Variants in FAM117A observed in about 807,000 individuals in gnomAD.
FAM117A encodes the protein protein FAM117A.
FAM117A carries 21 observed loss-of-function variants against 44.1 expected under a neutral mutation model. The observed-to-expected ratio is 0.48, with a 90% CI of 0.34 to 0.69. The LOEUF (loss-of-function observed/expected upper bound fraction) is 0.69. Ranked by LOEUF, FAM117A falls within the 30% of genes least tolerant of loss-of-function variation. The probability of loss-of-function intolerance (pLI) is 0.01; values close to 1 mark genes in which losing one functional copy is unlikely to be tolerated. For missense variants in FAM117A, 498 were observed against 589.9 expected, an observed-to-expected ratio of 0.84 and a Z score of 1.61; for synonymous variants, 220 against 238.3, an observed-to-expected ratio of 0.92 and a Z score of 0.71.
chr17:49,725,669 A>G (rs1304439646), intron 2 of FAM117A, among the ~76,000 whole-genome samples: 2 of 152,224 alleles, frequency 1.3e-5, no homozygotes, highest in East Asian at 3.8e-4. Flanking sequence ...TGAGAATGAT[A>G]AAGAGGCCAG....
intron 1 of FAM117A, among the ~76,000 whole-genome samples, chr17:49,774,304 C>G (rs866165271): frequency 1.6e-4 from 25 of 151,820 alleles, no homozygotes; most frequent in African/African-American, 4.8e-4. Context: ...AGTCGCCACA[C>G]CTGGCTAATT....
chr17:49,767,563 C>T (rs1647611005), upstream of FAM117A, among the ~76,000 whole-genome samples: 1 of 152,168 alleles, frequency 6.6e-6, no homozygotes, highest in African/African-American at 2.4e-5. Context: ...TGACCTGGTT[C>T]CTGCTTTCAG....
chr17:49,739,839 C>T (rs2143749590), intron 1 of FAM117A, among the ~76,000 whole-genome samples: 1 of 152,304 alleles, frequency 6.6e-6, no homozygotes, highest in Middle Eastern at 3.4e-3. Flanking sequence ...GTCCTGTTTA[C>T]AGCACCGTGG....
chr17:49,729,219 C>T (rs1365802201), intron 2 of FAM117A, among the ~76,000 whole-genome samples: 3 of 152,120 alleles, frequency 2.0e-5, no homozygotes, highest in African/African-American at 7.2e-5. Flanking sequence ...GCCCTGGTCT[C>T]CTCTCAGGGA....
intron 1 of FAM117A, among the ~76,000 whole-genome samples, chr17:49,783,870 C>A (rs971510972): frequency 6.6e-6 from 1 of 152,198 alleles, no homozygotes; most frequent in African/African-American, 2.4e-5. Flanking sequence ...AAATGGCTAT[C>A]CCTAACCCCT....
chr17:49,743,177 C>T (rs1182092701), intron 1 of FAM117A, among the ~76,000 whole-genome samples: 3 of 152,182 alleles, frequency 2.0e-5, no homozygotes, highest in Non-Finnish European at 2.9e-5. Context: ...GGAACTACTC[C>T]GTGGGTTGGA....
intron 1 of FAM117A, among the ~76,000 whole-genome samples, chr17:49,773,658 C>T (rs2073767855): frequency 6.6e-6 from 1 of 152,110 alleles, no homozygotes; most frequent in Admixed American, 6.5e-5. Context: ...CTCGCTTTCT[C>T]CAAGTGTTCC....
intron 1 of FAM117A, among the ~76,000 whole-genome samples, chr17:49,745,707 A>G (rs2073652164): frequency 6.6e-6 from 1 of 152,238 alleles, no homozygotes; most frequent in Non-Finnish European, 1.5e-5. Context: ...GAGGAAACAG[A>G]AAAATCCAGT....
intron 2 of FAM117A, chr17:49,724,269 C>G (rs2073548911): frequency 2.2e-6 from 1 of 445,612 alleles, no homozygotes; most frequent in African/African-American, 2.0e-5. Context: ...CTAATCGAAG[C>G]TGGGCCCCGC....
intron 4 of FAM117A, chr17:49,720,100 A>C: frequency 1.4e-6 from 1 of 714,362 alleles, no homozygotes; most frequent in Non-Finnish European, 2.3e-6. Flanking sequence ...TGTGCTGTAG[A>C]GTCATTGCCT....
At chr17:49,750,892 T>A (rs1476233192) in intron 1 of FAM117A, among the ~76,000 whole-genome samples, 23 of 152,248 alleles carry the variant, frequency 1.5e-4, no homozygotes, top group Admixed American at 1.5e-3. Flanking sequence ...AAAGCATTTA[T>A]ATGAACCATG....
intron 2 of FAM117A, among the ~76,000 whole-genome samples, chr17:49,728,571 A>G (rs1369611267): frequency 1.3e-5 from 2 of 152,212 alleles, no homozygotes; most frequent in Non-Finnish European, 2.9e-5. Context: ...CCTGTCCGTC[A>G]GCAGGATGAG....
At chr17:49,758,143 A>C (rs1177258513) in intron 1 of FAM117A, among the ~76,000 whole-genome samples, 1 of 152,026 alleles carries the variant, frequency 6.6e-6, no homozygotes, top group Non-Finnish European at 1.5e-5. Flanking sequence ...AGCCTGGCCA[A>C]CATGGTGAAA....
intron 1 of FAM117A, among the ~76,000 whole-genome samples, chr17:49,745,920 A>G (rs2073652787): frequency 6.6e-6 from 1 of 152,238 alleles, no homozygotes; most frequent in Admixed American, 6.5e-5. Flanking sequence ...ACTAAATGAC[A>G]TCTCTAGTCC....
intron 3 of FAM117A, among the ~76,000 whole-genome samples, chr17:49,721,451 TCTTAGTGTGAATAA>T (rs1300329384): frequency 5.3e-5 from 8 of 152,224 alleles, no homozygotes; most frequent in Non-Finnish European, 1.2e-4. Flanking sequence ...ATCTCCCCAT[TCTTAGTGTGAATAA>T]CTTGCTTACT....
At chr17:49,740,459 C>G (rs2073629492) in intron 1 of FAM117A, among the ~76,000 whole-genome samples, 1 of 152,162 alleles carries the variant, frequency 6.6e-6, no homozygotes, top group Non-Finnish European at 1.5e-5. Context: ...CCGTGTTAGC[C>G]AGGATGGTCT....
rs1418873375 is a variant in FAM117A, at chr17:49,732,558, G to A, written c.359C>T (p.Ala120Val). 2.5e-6 allele frequency: 4 copies of A among 1,613,968 alleles called. No individual in the cohort carries two copies. The Admixed American group carries it at 5.0e-5, about 20-fold the overall frequency. Residue 120 changes from alanine (A) to valine (V), a missense_variant, in exon 2 of 8, where the codon GCC becomes GTC. This residue lies in a region of FAM117A where 270 missense variants were observed against 277.4 expected (regional missense o/e 0.97). Coordinates refer to ENST00000240364, the MANE Select transcript of FAM117A (RefSeq NM_030802.4). ...GAFTCCTNDK[A>V]TQTPLSWQEL... ...AGGAGAGAGCTTCATTACCTGGGTG[G>A]CCTTGTCATTGGTGCAGCAGGTGAA... is the stretch of plus-strand genomic sequence containing the variant.
intron 1 of FAM117A, among the ~76,000 whole-genome samples, chr17:49,742,671 C>A (rs1290326464): frequency 5.3e-5 from 8 of 152,028 alleles, no homozygotes; most frequent in African/African-American, 1.7e-4. Flanking sequence ...AAAAAAAAAT[C>A]CTTACTCCAT....
At chr17:49,742,416 A>C (rs996767715) in intron 1 of FAM117A, among the ~76,000 whole-genome samples, 1 of 152,256 alleles carries the variant, frequency 6.6e-6, no homozygotes, top group African/African-American at 2.4e-5. Context: ...CTATGTGTGT[A>C]TATAAAAAGA....
Sources: gnomAD v4.1 joint callset for allele counts (sites outside exome capture counted in the v4.1 genomes callset) on GRCh38, gnomAD v4.1.1 for gene constraint, gnomAD v4.1.1 regional missense constraint, MANE v1.5 for transcripts, NCBI Gene and HGNC (gene_info 2026-07-23, HGNC 2026-07-21) for gene names.